Variants in PCDHA9 observed in about 807,000 individuals in gnomAD.
PCDHA9 encodes the protein protocadherin alpha 9, also known as protocadherin alpha-9.
A neutral mutation model predicts 62.0 loss-of-function variants in PCDHA9; 62 were observed. The observed-to-expected ratio is 1.00, with a 90% CI of 0.81 to 1.23. The LOEUF (loss-of-function observed/expected upper bound fraction) is 1.23, where lower values mean the gene tolerates loss of function less well. PCDHA9 is among the 50% of genes most tolerant of loss of function. PCDHA9 has a pLI of 0.00. For synonymous variants in PCDHA9, 557 were observed against 567.6 expected, an observed-to-expected ratio of 0.98 and a Z score of 0.27; for missense variants, 1,205 against 1,249.8, an observed-to-expected ratio of 0.96 and a Z score of 0.54.
At chr5:140,958,692 T>C (rs2095438296) in intron 1 of PCDHA9, among the ~76,000 whole-genome samples, 2 of 152,190 alleles carry the variant, frequency 1.3e-5, no homozygotes, top group African/African-American at 4.8e-5. Flanking sequence ...TTGAATATCC[T>C]AGAGTGACAA....
At chr5:140,948,253 A>C (rs782144804) in intron 1 of PCDHA9, among the ~76,000 whole-genome samples, 14 of 151,624 alleles carry the variant, frequency 9.2e-5, no homozygotes, top group Admixed American at 2.6e-4. Flanking sequence ...ATATTTTTAC[A>C]TCTGTGTTCA....
chr5:140,976,287 AAGCCTGTAATCCC>A (rs1253731489), intron 1 of PCDHA9, among the ~76,000 whole-genome samples: 3 of 152,196 alleles, frequency 2.0e-5, no homozygotes, highest in Admixed American at 6.5e-5. Flanking sequence ...ACAGTGGCTC[AAGCCTGTAATCCC>A]AGCACTTTGG....
At chr5:140,959,234 G>A (rs2095475246) in intron 1 of PCDHA9, among the ~76,000 whole-genome samples, 2 of 152,106 alleles carry the variant, frequency 1.3e-5, no homozygotes, top group Admixed American at 6.5e-5. Context: ...AAAATTATCT[G>A]GGCATGATAG....
intron 1 of PCDHA9, chr5:140,876,573 C>G: frequency 1.9e-6 from 3 of 1,614,152 alleles, no homozygotes; most frequent in African/African-American, 1.3e-5. Flanking sequence ...AGGTGGGTAC[C>G]GTCATTGCCC....
rs782109045 is a variant in PCDHA9 at position 140,856,427 on chromosome 5, G to C, written c.2394+5538G>C. ...GGACGTGGAAGTGAAGGACATTAAC[G>C]ACAACCCGCCCAGGTTCTCCGTAAC... On this transcript the variant is annotated intron_variant, in intron 1 of 3. Transcript: ENST00000532602. 9 of 1,598,364 alleles carry C rather than the reference G, an allele frequency of 5.6e-6. 1 individual carries two copies. Among genetic ancestry groups the C allele is most frequent in the South Asian group, 1.1e-5 (1 of 90,520 alleles).
intron 1 of PCDHA9, among the ~76,000 whole-genome samples, chr5:140,898,316 G>T (rs1487888782): frequency 6.6e-6 from 1 of 152,168 alleles, no homozygotes; most frequent in Non-Finnish European, 1.5e-5. Flanking sequence ...GGTTTTTATG[G>T]TTTTGGGTCT....
chr5:140,925,203 A>G (rs1201965893), intron 1 of PCDHA9, among the ~76,000 whole-genome samples: 4 of 152,310 alleles, frequency 2.6e-5, no homozygotes, highest in South Asian at 4.1e-4. Flanking sequence ...TTCAATAATT[A>G]TCGATACTTT....
At chr5:140,994,036 A>G (rs1176195849) in intron 3 of PCDHA9, among the ~76,000 whole-genome samples, 1 of 152,210 alleles carries the variant, frequency 6.6e-6, no homozygotes, top group African/African-American at 2.4e-5. Flanking sequence ...AATATTAAAT[A>G]TAACACAGTC....
intron 1 of PCDHA9, among the ~76,000 whole-genome samples, chr5:140,941,034 G>A (rs1384147296): frequency 6.6e-6 from 1 of 151,968 alleles, no homozygotes; most frequent in Non-Finnish European, 1.5e-5. Context: ...GGCCTTTTTG[G>A]TGCCAAGTCA....
chr5:140,888,611 G>T (rs1554183538), intron 1 of PCDHA9, among the ~76,000 whole-genome samples: 1 of 152,144 alleles, frequency 6.6e-6, no homozygotes, highest in Non-Finnish European at 1.5e-5. Context: ...TTTTAGTGTA[G>T]CACTAATTCG....
intron 3 of PCDHA9, among the ~76,000 whole-genome samples, chr5:141,000,691 G>A (rs1177204689): frequency 3.3e-5 from 5 of 151,460 alleles, no homozygotes; most frequent in African/African-American, 1.2e-4. Flanking sequence ...GCCTCCCAAA[G>A]TGCTGGGATT....
chr5:140,897,875 G>A (rs2066378352), intron 1 of PCDHA9, among the ~76,000 whole-genome samples: 1 of 152,080 alleles, frequency 6.6e-6, no homozygotes, highest in South Asian at 2.1e-4. Flanking sequence ...TTTAATGATT[G>A]CCATTCTAAC....
rs1486746921 is a variant in PCDHA9 at position 141,009,728 on chromosome 5, G to A, written c.2644G>A (p.Gly882Ser). Residue 882 changes from glycine (G) to serine (S), a missense_variant, in exon 4 of 4, where the codon GGT becomes AGT. Gly to Ser is a moderately conservative substitution (Grantham distance 56). Around this residue, in one of 3 missense-constraint regions of PCDHA9, gnomAD observed 887 missense variants for 809.5 expected, o/e 1.10. Coordinates refer to ENST00000532602, the MANE Select transcript of PCDHA9 (RefSeq NM_031857.2). The part of the protein sequence containing the change: ...GPGNPKQSGP[G>S]ELPDKFIIPG... ...AGGCAACCCCAAACAATCCGGTCCC[G>A]GTGAGTTGCCCGACAAATTCATTAT... The A allele has an allele frequency of 3.1e-6, 5 of 1,613,998 alleles. No homozygotes were observed. The highest frequency in any genetic ancestry group is 2.2e-5 in the East Asian group (1 of 44,874).
rs112848471 is a variant in PCDHA9, at chr5:140,995,109, C to G, written c.2542+12546C>G. ...TATCTGTGGAGATACATTCCAAGAC[C>G]CTCAGTGGATGCCTGAAACCTCATT... On this transcript the variant is annotated intron_variant, in intron 3 of 3. Transcript: ENST00000532602. Among the ~76,000 whole-genome samples, 792 of 152,268 alleles carry G rather than the reference C, an allele frequency of 5.2e-3. 8 individuals are homozygous for G. Among genetic ancestry groups the G allele is most frequent in the African/African-American group, 0.019 (770 of 41,540 alleles).
intron 1 of PCDHA9, among the ~76,000 whole-genome samples, chr5:140,889,614 AT>A (rs1488109035): frequency 5.9e-5 from 9 of 151,496 alleles, no homozygotes; most frequent in Admixed American, 5.9e-4. Flanking sequence ...AATTATACTG[AT>A]TCATTTCTCT....
rs148732691 is a variant in PCDHA9 at position 140,849,851 on chromosome 5, A to C, written c.1356A>C (p.Ala452=). 9 of 1,598,252 alleles carry C rather than the reference A, an allele frequency of 5.6e-6. No individual in the cohort carries two copies. Among genetic ancestry groups the C allele is most frequent in the East Asian group, 4.5e-5 (2 of 44,844 alleles). ...AGGTGGCCGACGTGAACGACAACGC[A>C]CCAGCGTTCGCGCAGTCCGAGTACA... is the stretch of plus-strand genomic sequence containing the variant. ...SVEVADVNDN[A]PAFAQSEYTV... The change falls in exon 1 of 4, where the codon GCA becomes GCC. Residue 452 remains alanine, a synonymous_variant. Transcript: ENST00000532602.
chr5:140,974,456 A>G (rs957426015), intron 1 of PCDHA9, among the ~76,000 whole-genome samples: 2 of 152,230 alleles, frequency 1.3e-5, no homozygotes, highest in Non-Finnish European at 2.9e-5. Context: ...AAATGACTAC[A>G]TTCAGAGGAA....
chr5:140,871,674 A>G (rs1582053798), intron 1 of PCDHA9: 3 of 1,137,860 alleles, frequency 2.6e-6, no homozygotes, highest in Non-Finnish European at 3.6e-6. Context: ...TCTTTTAATC[A>G]TATGAATAAT....
At chr5:140,925,682 G>A (rs1554202871) in intron 1 of PCDHA9, among the ~76,000 whole-genome samples, 1 of 122,672 alleles carries the variant, frequency 8.2e-6, no homozygotes, top group Non-Finnish European at 1.8e-5. Context: ...ATAATAAAGC[G>A]AGGGTGGGTA....
Sources: gnomAD v4.1 joint callset for allele counts (sites outside exome capture counted in the v4.1 genomes callset) on GRCh38, gnomAD v4.1.1 for gene constraint, gnomAD v4.1.1 regional missense constraint, MANE v1.5 for transcripts, NCBI Gene and HGNC (gene_info 2026-07-23, HGNC 2026-07-21) for gene names.